KRT3: variants seen among roughly 807,000 people sequenced by gnomAD.
The protein encoded by KRT3 is keratin, type II cytoskeletal 3.
In KRT3, 34 loss-of-function variants were observed where a neutral mutation model predicts 45.8. That is an observed-to-expected ratio of 0.74 (90% confidence interval 0.57 to 0.99). The LOEUF (loss-of-function observed/expected upper bound fraction) is 0.99. Ranked by LOEUF, KRT3 falls within the 50% of genes least tolerant of loss-of-function variation. The pLI is 0.00. For synonymous variants in KRT3, 367 were observed against 329.0 expected (o/e 1.12, Z -1.25); for missense variants, 828 against 820.6 (o/e 1.01, Z -0.11).
At chr12:52,793,276 A>C (rs1939568600) in intron 2 of KRT3, 53 bp from the exon 3 acceptor site, 4 of 1,264,006 alleles carry the variant, frequency 3.2e-6, no homozygotes, top group Non-Finnish European at 4.5e-6. Context: ...CATCGTAAAC[A>C]CCATTGTTCC....
intron 4 of KRT3, 41 bp from the exon 5 acceptor site, chr12:52,792,444 G>A (rs1363915252): frequency 6.3e-7 from 1 of 1,598,680 alleles, no homozygotes; most frequent in Non-Finnish European, 8.5e-7. Context: ...TGGGGTCCCT[G>A]TAACAAGCAC....
chr12:52,793,201 G>A lies in KRT3; in HGVS notation c.889C>T (p.Arg297Cys), dbSNP rs201121196. ...ACAAATTCATTCTCAGCAGCTGTAC[G>A]TTTATTGATTTCATCCTCATATCTG... ...KKKYEDEINK[R>C]TAAENEFVTL... The change falls in exon 3 of 9, where the codon CGT becomes TGT. Residue 297 changes from arginine (R) to cysteine (C), a missense_variant. Arg to Cys is a radical substitution (Grantham distance 180). Transcript: ENST00000417996. 61 of 1,609,320 alleles carry A rather than the reference G, an allele frequency of 3.8e-5. No individual in the cohort carries two copies. Among genetic ancestry groups the A allele is most frequent in the Middle Eastern group, 1.6e-4 (1 of 6,084 alleles).
chr12:52,793,768 T>G (rs1015727667), intron 2 of KRT3, among the ~76,000 whole-genome samples: 12 of 152,132 alleles, frequency 7.9e-5, no homozygotes, highest in African/African-American at 2.9e-4. Context: ...ATTTTTGTAT[T>G]TTTAGTAGAG....
chr12:52,791,926 A>T, intron 5 of KRT3, 110 bp from the exon 6 acceptor site: 1 of 1,207,024 alleles, frequency 8.3e-7, no homozygotes, highest in Admixed American at 2.3e-5. Context: ...CATTTGCTAA[A>T]ATGATACTGC....
In KRT3 at chr12:52,791,236, T is replaced by C; in HGVS notation, c.1505A>G (p.Tyr502Cys). The C allele has an allele frequency of 1.9e-6, 3 of 1,614,142 alleles. No homozygotes were observed. The highest frequency in any genetic ancestry group is 1.1e-5 in the South Asian group (1 of 91,084). The change falls in exon 7 of 9, where the codon TAC (tyrosine) becomes TGC (cysteine). Residue 502 changes from tyrosine to cysteine, a missense_variant. By Grantham distance (194) the Tyr-to-Cys change is radical. Coordinates refer to ENST00000417996, the MANE Select transcript of KRT3 (RefSeq NM_057088.3). ...CTCCTCGCCCTCCAGCAGCTTGCGG[T>C]AGGTGGCGATCTCCACGTCCAGGGC... The part of the protein sequence containing the change: ...KLALDVEIAT[Y>C]RKLLEGEEYR...
In KRT3 at chr12:52,794,132, A is replaced by G; in HGVS notation, c.845T>C (p.Leu282Pro). 1.9e-6 allele frequency: 3 copies of G among 1,614,026 alleles called. No homozygotes were observed. The highest frequency in any genetic ancestry group is 2.5e-6 in the Non-Finnish European group (3 of 1,179,908). The change falls in exon 2 of 9, where the codon CTG (leucine) becomes CCG (proline). Residue 282 changes from leucine to proline, a missense_variant. Leu to Pro is a moderately conservative substitution (Grantham distance 98, BLOSUM62 -3). Coordinates refer to ENST00000417996, the MANE Select transcript of KRT3 (RefSeq NM_057088.3). ...TCACTTCTTCTTGAAGTCTTCCACC[A>G]GGTCCTCCATGTTCTTCAGCTCAGA... ...LDSELKNMED[L>P]VEDFKKKYED...
chr12:52,792,188 T>C, intron 5 of KRT3, 51 bp downstream of exon 5: 4 of 1,534,974 alleles, frequency 2.6e-6, no homozygotes, highest in East Asian at 2.3e-5. Flanking sequence ...CAATAGGCCA[T>C]GGCCTCTCTG....
chr12:52,790,830 G>T lies in KRT3; in HGVS notation c.1570+8C>A. On this transcript the variant is annotated splice_region_variant and intron_variant, in intron 8 of 8. Coordinates refer to ENST00000417996, the MANE Select transcript of KRT3 (RefSeq NM_057088.3). ...ACTCTCATTTTCTTAGCTACTTTCG[G>T]TACTTACAGATGCTGACAGCACTCG... 6.3e-7 allele frequency: 1 copy of T among 1,590,350 alleles called. No individual in the cohort carries two copies. Among genetic ancestry groups the T allele is most frequent in the Non-Finnish European group, 8.6e-7 (1 of 1,166,934 alleles).
Position 52,794,239 on chromosome 12 carries a change from G to C in KRT3, c.738C>G (p.Asn246Lys). 1 of 1,614,110 alleles carries C rather than the reference G, an allele frequency of 6.2e-7. No homozygotes were observed. The highest frequency in any genetic ancestry group is 8.5e-7 in the Non-Finnish European group (1 of 1,179,928). Reference protein sequence around the residue: ...QGTSSISGTNNLEPLFENHIN... With the variant: ...QGTSSISGTNKLEPLFENHIN... The stretch of plus-strand genomic sequence containing the variant: ...TGTGATTCTCAAAAAGAGGCTCAAG[G>C]TTGTTTGTGCCTGAGATGGAACTTG... Residue 246 changes from asparagine (N) to lysine (K), a missense_variant, in exon 2 of 9, where the codon AAC (asparagine) becomes AAG (lysine). Asn to Lys is a moderately conservative substitution (Grantham distance 94). Transcript: ENST00000417996.
At chr12:52,791,873 C>T (rs1939517848) in intron 5 of KRT3, 57 bp from the exon 6 acceptor site, 7 of 1,566,150 alleles carry the variant, frequency 4.5e-6, no homozygotes, top group Non-Finnish European at 6.1e-6. Flanking sequence ...CTTGTTTCTA[C>T]ACCTCCAACA....
At position 52,794,685 on chromosome 12, in the gene KRT3, A is replaced by C. The variant is rs753915389; in HGVS notation, c.646-354T>G. Among the ~76,000 whole-genome samples, 36 of 152,072 alleles carry C rather than the reference A, an allele frequency of 2.4e-4. 1 individual carries two copies. The highest frequency in any genetic ancestry group is 6.3e-3 in the Middle Eastern group (2 of 316). On this transcript the variant is annotated intron_variant, in intron 1 of 8. Coordinates refer to ENST00000417996, the MANE Select transcript of KRT3 (RefSeq NM_057088.3). The stretch of plus-strand genomic sequence containing the variant: ...CATAAACCTCAGCAGCACCATTTCC[A>C]CCCACGACTCTACTGACATGCTAGC...
rs1261849946 is a variant in KRT3, at chr12:52,794,306, T to A, written c.671A>T (p.Lys224Ile). 4 of 1,613,940 alleles carry A rather than the reference T, an allele frequency of 2.5e-6. No homozygotes were observed. The highest frequency in any genetic ancestry group is 1.3e-5 in the African/African-American group (1 of 74,928). Residue 224 changes from lysine to isoleucine, a missense_variant, in exon 2 of 9, where the codon AAA becomes ATA. Coordinates refer to ENST00000417996, the MANE Select transcript of KRT3 (RefSeq NM_057088.3). ...DKVRFLEQQN[K>I]VLETKWNLLQ... ...CAGGTTCCACTTGGTCTCCAGGACT[T>A]TGTTCTGTTGCTCCAGGAACCGCAC...
chr12:52,795,857 G>A lies in KRT3; in HGVS notation c.186C>T (p.Gly62=). 6.2e-7 allele frequency: 1 copy of A among 1,614,128 alleles called. No individual in the cohort carries two copies. ...CCACGCTGATGGAGATGCTCTTGTT[G>A]CCGCCCAGGTTGTAGAGGCTGCGAC... The part of the protein sequence containing the change: ...FGSRSLYNLG[G]NKSISISVAA... The change falls in exon 1 of 9, where the codon GGC becomes GGT. Residue 62 remains glycine, a synonymous_variant. Coordinates refer to ENST00000417996, the MANE Select transcript of KRT3 (RefSeq NM_057088.3).
chr12:52,793,234 A>G lies in KRT3; in HGVS notation c.867-11T>C, dbSNP rs766892377. ...ATTTCATCCTCATATCTGTGTGAAT[A>G]AAAAAGAAACAGCTGAGTTTGGTTT... On this transcript the variant is annotated splice_polypyrimidine_tract_variant and intron_variant, in intron 2 of 8. Coordinates refer to ENST00000417996, the MANE Select transcript of KRT3 (RefSeq NM_057088.3). 1 of 1,593,088 alleles carries G rather than the reference A, an allele frequency of 6.3e-7. No homozygotes were observed. Among genetic ancestry groups the G allele is most frequent in the Admixed American group, 1.7e-5 (1 of 57,310 alleles).
At chr12:52,794,444 A>G in intron 1 of KRT3, 113 bp from the exon 2 acceptor site, 2 of 728,392 alleles carry the variant, frequency 2.7e-6, no homozygotes, top group South Asian at 1.7e-5. Context: ...ACAAAGGCCT[A>G]GAAAAGATGC....
At chr12:52,793,640 G>A (rs1939576803) in intron 2 of KRT3, among the ~76,000 whole-genome samples, 2 of 152,074 alleles carry the variant, frequency 1.3e-5, no homozygotes, top group South Asian at 4.2e-4. Flanking sequence ...CACCGAGGCT[G>A]GAGTGCAGTG....
At chr12:52,790,960 GCTGAACA>G in intron 7 of KRT3, 88 bp from the exon 8 acceptor site, 1 of 1,370,964 alleles carries the variant, frequency 7.3e-7, no homozygotes, top group Non-Finnish European at 1.0e-6. Flanking sequence ...AGCAACCAGA[GCTGAACA>G]GAGAAGCCTG....
intron 8 of KRT3, 64 bp from the exon 9 acceptor site, chr12:52,790,422 C>G: frequency 2.1e-6 from 3 of 1,456,928 alleles, no homozygotes; most frequent in Non-Finnish European, 2.8e-6. Context: ...ATGTTATTGT[C>G]AATGATCCAC....
rs1939446975 is a variant in KRT3 at position 52,790,024 on chromosome 12, G to C, written c.*18C>G. 1 of 1,537,218 alleles carries C rather than the reference G, an allele frequency of 6.5e-7. No homozygotes were observed. The highest frequency in any genetic ancestry group is 1.4e-5 in the African/African-American group (1 of 73,110). On this transcript the variant is annotated 3_prime_UTR_variant, in exon 9 of 9. Transcript: ENST00000417996. ...GGAGGGGAGGCGCTGGAGTGGCTGC[G>C]ATGCTGATGCGTGCTCTTTATCTGG...
Sources: allele counts gnomAD v4.1 joint callset (sites outside exome capture counted in the v4.1 genomes callset), GRCh38; gene constraint gnomAD v4.1.1; transcripts MANE v1.5; gene names NCBI Gene and HGNC (gene_info 2026-07-23, HGNC 2026-07-21).